Variants in CBFA2T3 observed in about 807,000 individuals in gnomAD.
The protein encoded by CBFA2T3 is transcriptional corepressor CBFA2T3.
Under a neutral mutation model 58.6 loss-of-function variants are expected in CBFA2T3, and 31 were observed. The ratio of observed to expected loss-of-function variants is 0.53; its 90% CI spans 0.40 to 0.71. The LOEUF (loss-of-function observed/expected upper bound fraction) is 0.71, where lower values mean the gene tolerates loss of function less well. CBFA2T3 is among the 30% of genes least tolerant of loss of function. The probability of loss-of-function intolerance (pLI) is 0.00; values close to 1 mark genes in which losing one functional copy is unlikely to be tolerated. For missense variants in CBFA2T3, 1,076 were observed against 963.1 expected, an observed-to-expected ratio of 1.12 and a Z score of -1.55; for synonymous variants, 531 against 421.9, an observed-to-expected ratio of 1.26 and a Z score of -3.17.
At chr16:88,912,056 G>A (rs545197750) in intron 1 of CBFA2T3, among the ~76,000 whole-genome samples, 7 of 152,370 alleles carry the variant, frequency 4.6e-5, no homozygotes, top group Admixed American at 2.0e-4. Flanking sequence ...CGTAGCAGAC[G>A]AAAATCTCAC....
At chr16:88,931,241 G>T (rs1971289451) in intron 1 of CBFA2T3, among the ~76,000 whole-genome samples, 1 of 152,086 alleles carries the variant, frequency 6.6e-6, no homozygotes, top group South Asian at 2.1e-4. Flanking sequence ...CAGGCAGGTA[G>T]CGGAGGCACT....
At chr16:88,881,663 T>C in intron 8 of CBFA2T3, 174 bp from the exon 9 acceptor site, 1 of 628,196 alleles carries the variant, frequency 1.6e-6, no homozygotes, top group Non-Finnish European at 2.7e-6. Flanking sequence ...GATGGGTCCC[T>C]AGCCTGGGAC....
chr16:88,947,056 C>A (rs113696880), intron 1 of CBFA2T3, among the ~76,000 whole-genome samples: 1 of 152,282 alleles, frequency 6.6e-6, no homozygotes, highest in African/African-American at 2.4e-5. Flanking sequence ...TAGAATGTAA[C>A]ACCAAGAGAG....
chr16:88,879,473 T>G lies in CBFA2T3; in HGVS notation c.1472-13A>C. On this transcript the variant is annotated splice_polypyrimidine_tract_variant and intron_variant, in intron 10 of 11. Coordinates refer to ENST00000268679, the MANE Select transcript of CBFA2T3 (RefSeq NM_005187.6). ...TTCACGGCCTCTTCTGCAAAGGACA[T>G]GGGCAGGGCTGGCGGTCACATGGGC... is the stretch of plus-strand genomic sequence containing the variant. The G allele has an allele frequency of 6.3e-7, 1 of 1,599,994 alleles. No individual in the cohort carries two copies. The highest frequency in any genetic ancestry group is 8.6e-7 in the Non-Finnish European group (1 of 1,169,026).
chr16:88,883,039 G>A (rs1969192013), intron 7 of CBFA2T3, among the ~76,000 whole-genome samples: 1 of 152,250 alleles, frequency 6.6e-6, no homozygotes, highest in African/African-American at 2.4e-5. Context: ...TGAGGAAACT[G>A]AGGCTGGTTA....
intron 1 of CBFA2T3, among the ~76,000 whole-genome samples, chr16:88,930,171 G>A (rs112176673): frequency 2.7e-5 from 4 of 146,236 alleles, no homozygotes; most frequent in South Asian, 2.1e-4. Flanking sequence ...CATGGTCCAC[G>A]CAAAAGCTAC....
At chr16:88,901,424 C>T (rs1008255464) in intron 2 of CBFA2T3, 80 bp downstream of exon 2, 1 of 699,672 alleles carries the variant, frequency 1.4e-6, no homozygotes, top group Non-Finnish European at 2.3e-6. Flanking sequence ...TGGCTCCGGG[C>T]AGGAAGCTCA....
At chr16:88,909,199 T>C (rs1049362943) in intron 1 of CBFA2T3, among the ~76,000 whole-genome samples, 1 of 152,208 alleles carries the variant, frequency 6.6e-6, no homozygotes, top group Admixed American at 6.5e-5. Context: ...CAAAGCCTTT[T>C]CTGGGGCTGT....
rs79166759 is a variant in CBFA2T3 at position 88,971,118 on chromosome 16, T to A, written c.151+5539A>T. ...CGTGTTTTCATCAACTCAATTTTCC[T>A]TTTTTTTTAAAGACACGGTCTCCCT... On this transcript the variant is annotated intron_variant, in intron 1 of 11. Coordinates refer to ENST00000268679, the MANE Select transcript of CBFA2T3 (RefSeq NM_005187.6). Among the ~76,000 whole-genome samples, 3 of 149,014 alleles carry A rather than the reference T, an allele frequency of 2.0e-5. No individual in the cohort carries two copies. In the South Asian group the frequency reaches 7.2e-4, roughly 36 times the overall value.
At chr16:88,943,883 C>T (rs9922120) in intron 1 of CBFA2T3, among the ~76,000 whole-genome samples, 31,995 of 152,060 alleles carry the variant, frequency 0.21, 3,597 homozygotes, top group African/African-American at 0.29. Context: ...ACAAGGCCAG[C>T]GTCACCTGTG....
In CBFA2T3 at chr16:88,976,992, C is replaced by G; in HGVS notation, c.-185G>C. 1.6e-6 allele frequency: 1 copy of G among 619,586 alleles called. No individual in the cohort carries two copies. Among genetic ancestry groups the G allele is most frequent in the Non-Finnish European group, 2.7e-6 (1 of 372,030 alleles). 38.4% of individuals were successfully genotyped at this position (619,586 alleles called of 1,614,324 possible). A position where few individuals can be genotyped will look rare whatever the true frequency, so the allele number is the denominator to read the frequency against. ...GGCCACCAACTGGGTGTCCTCTGCC[C>G]TGGGGAGGGGGTGGGAGCCCTGGGG... On this transcript the variant is annotated 5_prime_UTR_variant, in exon 1 of 12. Transcript: ENST00000268679.
intron 5 of CBFA2T3, among the ~76,000 whole-genome samples, chr16:88,888,117 C>T (rs765023994): frequency 2.2e-4 from 34 of 152,062 alleles, no homozygotes; most frequent in Non-Finnish European, 2.6e-4. Flanking sequence ...CCTTTCCCAC[C>T]ACCCCGTGAG....
chr16:88,901,469 A>T, intron 2 of CBFA2T3, 35 bp downstream of exon 2: 1 of 1,265,902 alleles, frequency 7.9e-7, no homozygotes, highest in Non-Finnish European at 1.1e-6. Context: ...CCCCTGAAAC[A>T]CCTGGCCCTC....
intron 1 of CBFA2T3, among the ~76,000 whole-genome samples, chr16:88,959,008 C>A (rs1249925093): frequency 6.6e-6 from 1 of 152,160 alleles, no homozygotes; most frequent in African/African-American, 2.4e-5. Flanking sequence ...TAGACAAGTG[C>A]TGTGTGCCCG....
At chr16:88,926,350 G>A (rs1971084540) in intron 1 of CBFA2T3, among the ~76,000 whole-genome samples, 1 of 152,162 alleles carries the variant, frequency 6.6e-6, no homozygotes, top group African/African-American at 2.4e-5. Flanking sequence ...ACCACTGAAG[G>A]CCCCCCAAGC....
chr16:88,940,983 G>GAGC (rs1971704038), intron 1 of CBFA2T3: 3 of 943,420 alleles, frequency 3.2e-6, no homozygotes, highest in Non-Finnish European at 3.8e-6. Flanking sequence ...AGTCGGGGTA[G>GAGC]AGCGGCGGCG....
At chr16:88,940,318 C>G (rs896496596) in intron 1 of CBFA2T3, 2 of 154,346 alleles carry the variant, frequency 1.3e-5, no homozygotes, top group African/African-American at 4.8e-5. Context: ...CCAGCCTGGC[C>G]GCCTTCTGCT....
intron 1 of CBFA2T3, among the ~76,000 whole-genome samples, chr16:88,956,253 T>C (rs1293990118): frequency 6.6e-6 from 1 of 152,266 alleles, no homozygotes; most frequent in East Asian, 1.9e-4. Flanking sequence ...TTATCACGCG[T>C]GTGACGGAGG....
Position 88,953,744 on chromosome 16 carries a change from G to A in CBFA2T3, c.151+22913C>T, listed in dbSNP as rs1331643056. Among the ~76,000 whole-genome samples the A allele has an allele frequency of 3.9e-5, 6 of 152,094 alleles. No individual in the cohort carries two copies. Among genetic ancestry groups the A allele is most frequent in the Admixed American group, 6.5e-5 (1 of 15,274 alleles). On this transcript the variant is annotated intron_variant, in intron 1 of 11. Transcript: ENST00000268679. The surrounding 1 kb of genome is among the most constrained non-coding windows in gnomAD (Gnocchi z 4.9). ...CCTATTGAAGGCACAGTTTACTCCC[G>A]GGAAAATAAACATTTGGGTTTATTT...
Sources: gnomAD v4.1 joint callset for allele counts (sites outside exome capture counted in the v4.1 genomes callset) on GRCh38, gnomAD v4.1.1 for gene constraint, Gnocchi (gnomAD v3.1) non-coding constraint, MANE v1.5 for transcripts, NCBI Gene and HGNC (gene_info 2026-07-23, HGNC 2026-07-21) for gene names.